Variants in RXRA observed in about 807,000 individuals in gnomAD.
RXRA encodes retinoid X receptor alpha.
A neutral mutation model predicts 44.5 loss-of-function variants in RXRA; 5 were observed. That is an observed-to-expected ratio of 0.11 (90% CI 0.06 to 0.24). The LOEUF is 0.24. Among genes scored for constraint, RXRA ranks in the 10% least tolerant of loss-of-function variants. The pLI is 1.00. For synonymous variants in RXRA, 291 were observed against 271.4 expected, an observed-to-expected ratio of 1.07 and a Z score of -0.71; for missense variants, 412 against 646.5, an observed-to-expected ratio of 0.64 and a Z score of 3.93.
At chr9:134,394,823 G>A (rs1395510839) in intron 1 of RXRA, among the ~76,000 whole-genome samples, 1 of 152,204 alleles carries the variant, frequency 6.6e-6, no homozygotes, top group Non-Finnish European at 1.5e-5. Flanking sequence ...TGGGCTGGGA[G>A]GGCAGAGGTG....
At chr9:134,414,524 C>T (rs988805915) in intron 4 of RXRA, among the ~76,000 whole-genome samples, 1 of 152,262 alleles carries the variant, frequency 6.6e-6, no homozygotes, top group Admixed American at 6.5e-5. Context: ...GGGGACTTGG[C>T]CGGGGCCACA....
chr9:134,384,385 A>G (rs905005846), intron 1 of RXRA, among the ~76,000 whole-genome samples: 1 of 152,242 alleles, frequency 6.6e-6, no homozygotes, highest in African/African-American at 2.4e-5. Context: ...TGCAGAGGAA[A>G]GCGAACCGTG....
chr9:134,360,131 C>T (rs762238862), intron 1 of RXRA, among the ~76,000 whole-genome samples: 3 of 152,294 alleles, frequency 2.0e-5, no homozygotes, highest in Admixed American at 2.0e-4. Context: ...TTACCTAAGG[C>T]CCCCGCGATT....
intron 7 of RXRA, among the ~76,000 whole-genome samples, chr9:134,431,167 T>G (rs976407825): frequency 6.6e-6 from 1 of 152,164 alleles, no homozygotes; most frequent in Admixed American, 6.5e-5. Context: ...CACCCTTACT[T>G]CCTGGACACA....
At chr9:134,387,715 G>A (rs1830740407) in intron 1 of RXRA, among the ~76,000 whole-genome samples, 1 of 152,230 alleles carries the variant, frequency 6.6e-6, no homozygotes, top group Non-Finnish European at 1.5e-5. Flanking sequence ...GTAAGCAGCA[G>A]GCGTGCGGCG....
At chr9:134,425,665 A>T in intron 6 of RXRA, 1 of 984,922 alleles carries the variant, frequency 1.0e-6, no homozygotes, top group East Asian at 1.1e-4. Context: ...CCCTGTGGGG[A>T]CAGCACACCA....
In RXRA at chr9:134,417,547, T is replaced by TGGGGCA. The variant is rs1291297177; in HGVS notation, c.780+226_780+231dup. On this transcript the variant is annotated intron_variant, in intron 5 of 9. Coordinates refer to ENST00000481739, the MANE Select transcript of RXRA (RefSeq NM_002957.6). This position sits in a 1 kb window ranked among gnomAD's most constrained non-coding sequence, Gnocchi z 6.1. ...TCCTGGCCCATGCACGAGTAGCCCA[T>TGGGGCA]GGGGCAGGGGCCAGGGGCCAGGGGC... Among the ~76,000 whole-genome samples the TGGGGCA allele has an allele frequency of 6.6e-6, 1 of 151,966 alleles. No individual in the cohort carries two copies. Among genetic ancestry groups the TGGGGCA allele is most frequent in the Non-Finnish European group, 1.5e-5 (1 of 67,970 alleles).
Position 134,417,682 on chromosome 9 carries a change from T to C in RXRA, c.780+355T>C, listed in dbSNP as rs1243784386. Among the ~76,000 whole-genome samples, 1 of 152,022 alleles carries C rather than the reference T, an allele frequency of 6.6e-6. No individual in the cohort carries two copies. The highest frequency in any genetic ancestry group is 1.5e-5 in the Non-Finnish European group (1 of 67,952). The stretch of plus-strand genomic sequence containing the variant: ...CCTGTCTCGGTGCAGAGGCTGTCCC[T>C]GCTCCCCGGTGCCACTTGGAAAAGG... On this transcript the variant is annotated intron_variant, in intron 5 of 9. Coordinates refer to ENST00000481739, the MANE Select transcript of RXRA (RefSeq NM_002957.6). The surrounding 1 kb of genome is among the most constrained non-coding windows in gnomAD (Gnocchi z 6.1).
chr9:134,375,247 G>C (rs887039672), intron 1 of RXRA, among the ~76,000 whole-genome samples: 24 of 152,212 alleles, frequency 1.6e-4, no homozygotes, highest in Admixed American at 9.2e-4. Context: ...CCCAAGGCTG[G>C]GGGTGGAGAG....
intron 1 of RXRA, among the ~76,000 whole-genome samples, chr9:134,391,619 G>C (rs2119122811): frequency 6.6e-6 from 1 of 152,292 alleles, no homozygotes; most frequent in South Asian, 2.1e-4. Context: ...GCCTGGAAGG[G>C]AGGCTGCGCT....
intron 1 of RXRA, among the ~76,000 whole-genome samples, chr9:134,376,424 C>G (rs1323666831): frequency 2.0e-5 from 3 of 152,234 alleles, no homozygotes; most frequent in African/African-American, 7.2e-5. Flanking sequence ...AGAGGTCCCT[C>G]CAGTGGCCCA....
chr9:134,435,615 G>T (rs1482946529), intron 9 of RXRA, among the ~76,000 whole-genome samples: 1 of 152,140 alleles, frequency 6.6e-6, no homozygotes, highest in Non-Finnish European at 1.5e-5. Context: ...TTATGGAAAG[G>T]GTCTTGCACC....
chr9:134,388,431 T>C (rs577701830), intron 1 of RXRA, among the ~76,000 whole-genome samples: 2 of 152,330 alleles, frequency 1.3e-5, no homozygotes, highest in South Asian at 4.1e-4. Flanking sequence ...GTTGTTCTGC[T>C]CTCACGCAGG....
intron 1 of RXRA, among the ~76,000 whole-genome samples, chr9:134,396,551 A>C (rs1047785603): frequency 1.3e-5 from 2 of 151,938 alleles, no homozygotes; most frequent in Non-Finnish European, 2.9e-5. Flanking sequence ...GGTTGCAGGG[A>C]CGTTGCAGGG....
At chr9:134,337,076 G>C (rs1168488281) in intron 1 of RXRA, among the ~76,000 whole-genome samples, 1 of 152,184 alleles carries the variant, frequency 6.6e-6, no homozygotes, top group African/African-American at 2.4e-5. Context: ...GCAGTGCTCA[G>C]CGTGTTGGAG....
At position 134,412,978 on chromosome 9, in the gene RXRA, C is replaced by T. The variant is rs150293244; in HGVS notation, c.610+3859C>T. 2.1e-3 allele frequency among the ~76,000 whole-genome samples: 317 copies of T among 152,332 alleles called. 3 individuals carry two copies. The highest frequency in any genetic ancestry group is 7.1e-3 in the African/African-American group (297 of 41,568). The stretch of plus-strand genomic sequence containing the variant: ...TGGGTGTGGAAACAGCAGGGTCTGG[C>T]GTGTGTGCACCTATGTGTGCACGTG... On this transcript the variant is annotated intron_variant, in intron 4 of 9. Transcript: ENST00000481739.
intron 1 of RXRA, among the ~76,000 whole-genome samples, chr9:134,351,623 C>T (rs1012797923): frequency 2.6e-5 from 4 of 152,232 alleles, no homozygotes; most frequent in East Asian, 1.9e-4. Context: ...GTGCCGGCTC[C>T]GTTTCAGGCC....
chr9:134,393,819 C>T (rs1221394290), intron 1 of RXRA, among the ~76,000 whole-genome samples: 2 of 152,160 alleles, frequency 1.3e-5, no homozygotes, highest in Non-Finnish European at 2.9e-5. Context: ...TCCCACTTCC[C>T]TCACTGTGGC....
chr9:134,380,340 G>A (rs1340838105), intron 1 of RXRA, among the ~76,000 whole-genome samples: 1 of 152,120 alleles, frequency 6.6e-6, no homozygotes, highest in African/African-American at 2.4e-5. Context: ...GTCCTGCCCG[G>A]GTTCTCCTGG....
Sources: allele counts gnomAD v4.1 joint callset (sites outside exome capture counted in the v4.1 genomes callset), GRCh38; gene constraint gnomAD v4.1.1; non-coding constraint Gnocchi (gnomAD v3.1); transcripts MANE v1.5; gene names NCBI Gene and HGNC (gene_info 2026-07-23, HGNC 2026-07-21).